The following CHRNB4 variants were observed in gnomAD, a reference collection of about 807,000 sequenced individuals.
CHRNB4 encodes the protein cholinergic receptor nicotinic beta 4 subunit.
In CHRNB4, 23 loss-of-function variants were observed where a neutral mutation model predicts 40.4. The observed-to-expected ratio is 0.57, with a 90% CI of 0.41 to 0.81. The LOEUF is 0.81. Ranked by LOEUF, CHRNB4 falls within the 30% of genes least tolerant of loss-of-function variation. The probability of loss-of-function intolerance (pLI) is 0.00; values close to 1 mark genes in which losing one functional copy is unlikely to be tolerated. For missense variants in CHRNB4, 568 were observed against 670.6 expected, an observed-to-expected ratio of 0.85 and a Z score of 1.69; for synonymous variants, 285 against 274.4, an observed-to-expected ratio of 1.04 and a Z score of -0.38.
At chr15:78,661,252 T>A, upstream of CHRNB4, 1 of 605,660 alleles carries the variant, frequency 1.7e-6, no homozygotes. Flanking sequence ...AGTGAGGATC[T>A]TGCCCCCTGC....
chr15:78,635,530 G>A lies in CHRNB4; in HGVS notation c.113C>T (p.Thr38Ile). ...TGGGCGGATCAGGTTATTGTAACGG[G>A]TTTTGTTCAGAAGGTCGTCCATCAG... ...EKLMDDLLNK[T>I]RYNNLIRPAT... Residue 38 changes from threonine to isoleucine, a missense_variant, in exon 2 of 6, where the codon ACC (threonine) becomes ATC (isoleucine). By Grantham distance (89) the Thr-to-Ile change is moderately conservative. Coordinates refer to ENST00000261751, the MANE Select transcript of CHRNB4 (RefSeq NM_000750.5). 6 of 1,614,174 alleles carry A rather than the reference G, an allele frequency of 3.7e-6. No homozygotes were observed. The highest frequency in any genetic ancestry group is 5.1e-6 in the Non-Finnish European group (6 of 1,180,044).
chr15:78,652,027 G>T (rs1404166419), intron 6 of CHRNB4, among the ~76,000 whole-genome samples: 2 of 152,216 alleles, frequency 1.3e-5, no homozygotes, highest in Admixed American at 1.3e-4. Flanking sequence ...AGAAGCTACT[G>T]CCCCATCTTC....
At position 78,624,684 on chromosome 15, in the gene CHRNB4, C is replaced by T. The variant is rs1208104284; in HGVS notation, c.*449G>A. 3.0e-6 allele frequency: 1 copy of T among 333,130 alleles called. No homozygotes were observed. The highest frequency in any genetic ancestry group is 4.5e-5 in the East Asian group (1 of 22,104). The allele number at this position is 333,130 out of a possible 1,614,324, so 20.6% of individuals were successfully genotyped here. A position where few individuals can be genotyped will look rare whatever the true frequency, so the allele number is the denominator to read the frequency against. On this transcript the variant is annotated 3_prime_UTR_variant, in exon 6 of 6. Transcript: ENST00000261751. ...CTTGAGCCTGGGCGATATAGCAAGA[C>T]TCCGTTTAAAAGAAAAAAAAAAAGA... is the stretch of plus-strand genomic sequence containing the variant.
chr15:78,643,862 AT>A (rs1373419329), upstream of CHRNB4, among the ~76,000 whole-genome samples: 1 of 152,052 alleles, frequency 6.6e-6, no homozygotes, highest in Non-Finnish European at 1.5e-5. Flanking sequence ...AGAAAAAGAG[AT>A]TCTAGGCCGG....
upstream of CHRNB4, among the ~76,000 whole-genome samples, chr15:78,641,691 T>C (rs993871270): frequency 5.3e-5 from 8 of 152,124 alleles, no homozygotes; most frequent in African/African-American, 1.9e-4. Flanking sequence ...TTAGGAAAAG[T>C]GAGTGGAATC....
At chr15:78,657,694 C>T (rs2054225612) in intron 2 of CHRNB4, among the ~76,000 whole-genome samples, 1 of 152,012 alleles carries the variant, frequency 6.6e-6, no homozygotes, top group Non-Finnish European at 1.5e-5. Flanking sequence ...GCTGGGACTA[C>T]AGGCACTCCC....
At chr15:78,659,310 T>C (rs1156994466) in intron 1 of CHRNB4, among the ~76,000 whole-genome samples, 4 of 152,070 alleles carry the variant, frequency 2.6e-5, no homozygotes, top group African/African-American at 9.7e-5. Flanking sequence ...GGTTCATGCC[T>C]GTAGTCCCAG....
rs373261379 is a variant in CHRNB4, at chr15:78,641,093, G to T, written c.41C>A (p.Ala14Asp). 9.4e-5 allele frequency: 148 copies of T among 1,582,026 alleles called. No homozygotes were observed. Among genetic ancestry groups the T allele is most frequent in the Non-Finnish European group, 1.2e-4 (141 of 1,164,756 alleles). Reference protein sequence around the residue: ...APSLVLFFLVALCGRGNCRVA... With the variant: ...APSLVLFFLVDLCGRGNCRVA... ...AAAGAACTCACCGCGCCCGCAAAGG[G>T]CGACCAGGAAGAAAAGGACCAGGGA... The change falls in exon 1 of 6, where the codon GCC becomes GAC. Residue 14 changes from alanine (A) to aspartate (D), a missense_variant. Physicochemically the swap from Ala to Asp is moderately radical, Grantham distance 126 (BLOSUM62 -2). Transcript: ENST00000261751.
In CHRNB4 at chr15:78,624,263, T is replaced by C. The variant is rs2053601806; in HGVS notation, c.*870A>G. ...TGTGGATGACATACATGCCACCAGA[T>C]AAGAGCGACAGGTACACAGGAGTGC... On this transcript the variant is annotated 3_prime_UTR_variant, in exon 6 of 6. Transcript: ENST00000261751. The C allele has an allele frequency of 6.6e-6, 1 of 152,280 alleles. No homozygotes were observed. Among genetic ancestry groups the C allele is most frequent in the Non-Finnish European group, 1.5e-5 (1 of 68,106 alleles). 9.4% of individuals were successfully genotyped at this position (152,280 alleles called of 1,614,324 possible). A position where few individuals can be genotyped will look rare whatever the true frequency, so the allele number is the denominator to read the frequency against.
chr15:78,633,603 C>T (rs571513706), intron 2 of CHRNB4, among the ~76,000 whole-genome samples: 13 of 152,290 alleles, frequency 8.5e-5, no homozygotes, highest in Non-Finnish European at 1.3e-4. Flanking sequence ...CTCAAACTTA[C>T]CCCCTGAGCT....
At chr15:78,645,764 A>G (rs779219260), upstream of CHRNB4, among the ~76,000 whole-genome samples, 2 of 152,132 alleles carry the variant, frequency 1.3e-5, no homozygotes, top group Middle Eastern at 3.2e-3. Context: ...TTTTTAAAGA[A>G]TAAGAATGAC....
rs267604336 is a variant in CHRNB4, at chr15:78,635,479, G to A, written c.164C>T (p.Ser55Phe). 1 of 1,614,164 alleles carries A rather than the reference G, an allele frequency of 6.2e-7. No individual in the cohort carries two copies. Among genetic ancestry groups the A allele is most frequent in the South Asian group, 1.1e-5 (1 of 91,078 alleles). Residue 55 changes from serine to phenylalanine, a missense_variant, in exon 2 of 6, where the codon TCC becomes TTC. By Grantham distance (155) the Ser-to-Phe change is radical. Around this residue, in one of 4 missense-constraint regions of CHRNB4, gnomAD observed 161 missense variants for 148.1 expected, o/e 1.09. Coordinates refer to ENST00000261751, the MANE Select transcript of CHRNB4 (RefSeq NM_000750.5). Reference protein sequence around the residue: ...RPATSSSQLISIKLQLSLAQL... With the variant: ...RPATSSSQLIFIKLQLSLAQL... ...GGCCAGGGAGAGCTGCAGCTTGATG[G>A]AGATGAGCTGTGAGGAGCTGGTGGC... is the stretch of plus-strand genomic sequence containing the variant.
At chr15:78,632,343 T>A (rs1036985728) in intron 2 of CHRNB4, among the ~76,000 whole-genome samples, 7 of 151,890 alleles carry the variant, frequency 4.6e-5, no homozygotes, top group African/African-American at 1.7e-4. Flanking sequence ...GGTCTCACTC[T>A]GTCACCCAGG....
chr15:78,643,946 G>A (rs1302475135), upstream of CHRNB4, among the ~76,000 whole-genome samples: 4 of 148,244 alleles, frequency 2.7e-5, no homozygotes, highest in South Asian at 2.1e-4. Flanking sequence ...TCAGGAGATC[G>A]AGACCATCCT....
In CHRNB4 at chr15:78,629,266, TGAA is replaced by T; in HGVS notation, c.1036_1038del (p.Phe346del). ...CTGCTGTCGGGGCCAGGGCGCTTCA[TGAA>T]GAGGAAGGTAGGCAGCTTGTGCAGG... On this transcript the variant is annotated inframe_deletion, in exon 5 of 6. Coordinates refer to ENST00000261751, the MANE Select transcript of CHRNB4 (RefSeq NM_000750.5). This position sits in a 1 kb window ranked among gnomAD's most constrained non-coding sequence, Gnocchi z 6.8. The T allele has an allele frequency of 6.2e-7, 1 of 1,613,234 alleles. No homozygotes were observed. Among genetic ancestry groups the T allele is most frequent in the Non-Finnish European group, 8.5e-7 (1 of 1,179,502 alleles).
At chr15:78,634,835 C>A in intron 2 of CHRNB4, 3 of 453,254 alleles carry the variant, frequency 6.6e-6, no homozygotes, top group South Asian at 4.7e-5. Flanking sequence ...TTCCCAGGCA[C>A]CTCCTCCCTC....
In CHRNB4 at chr15:78,629,018, TTCTAATGC is replaced by T. The variant is rs1567111520; in HGVS notation, c.1279_1286del (p.Ala427ArgfsTer12). 6.2e-7 allele frequency: 1 copy of T among 1,614,174 alleles called. No individual in the cohort carries two copies. The highest frequency in any genetic ancestry group is 1.7e-5 in the Admixed American group (1 of 60,024). The stretch of plus-strand genomic sequence containing the variant: ...TGTGCTGGGCGATGAAGCTGACACC[TTCTAATGC>T]CTCCTGCACATCCTGTCGGAACCTC... On this transcript the variant is annotated frameshift_variant, in exon 5 of 6. Coordinates refer to ENST00000261751, the MANE Select transcript of CHRNB4 (RefSeq NM_000750.5). LOFTEE classifies it high-confidence loss of function. The surrounding 1 kb of genome is among the most constrained non-coding windows in gnomAD (Gnocchi z 6.8).
At chr15:78,659,502 CAG>C (rs141052080) in intron 1 of CHRNB4, among the ~76,000 whole-genome samples, 1,682 of 152,246 alleles carry the variant, frequency 0.011, 38 homozygotes, top group East Asian at 0.031. Context: ...GAAAACAAAA[CAG>C]AGTGATGTGC....
upstream of CHRNB4, chr15:78,660,953 G>C: frequency 2.4e-6 from 1 of 415,470 alleles, no homozygotes; most frequent in Non-Finnish European, 4.6e-6. Flanking sequence ...TTCTGACTCA[G>C]CAGGACAAGG....
Sources: gnomAD v4.1 joint callset for allele counts (sites outside exome capture counted in the v4.1 genomes callset) on GRCh38, gnomAD v4.1.1 for gene constraint, gnomAD v4.1.1 regional missense constraint, Gnocchi (gnomAD v3.1) non-coding constraint, MANE v1.5 for transcripts, NCBI Gene and HGNC (gene_info 2026-07-23, HGNC 2026-07-21) for gene names.